USP54: variants seen among roughly 807,000 people sequenced by gnomAD.
The protein encoded by USP54 is ubiquitin specific peptidase 54.
A neutral mutation model predicts 170.5 loss-of-function variants in USP54; 87 were observed. That is an observed-to-expected ratio of 0.51 (90% CI 0.43 to 0.61). USP54 has a LOEUF of 0.61. Ranked by LOEUF, USP54 falls within the 20% of genes least tolerant of loss-of-function variation. The probability of loss-of-function intolerance (pLI) is 0.00; values close to 1 mark genes in which losing one functional copy is unlikely to be tolerated. For synonymous variants in USP54, 655 were observed against 742.8 expected, an observed-to-expected ratio of 0.88 and a Z score of 1.92; for missense variants, 1,786 against 2,047.8, an observed-to-expected ratio of 0.87 and a Z score of 2.47.
intron 1 of USP54, among the ~76,000 whole-genome samples, chr10:73,580,792 TG>T (rs1488079343): frequency 6.6e-6 from 1 of 152,104 alleles, no homozygotes; most frequent in East Asian, 1.9e-4. Flanking sequence ...TTGACCATGC[TG>T]GTCTCCAACT....
chr10:73,524,860 A>T (rs2062580298), intron 16 of USP54, among the ~76,000 whole-genome samples: 1 of 152,204 alleles, frequency 6.6e-6, no homozygotes, highest in Admixed American at 6.5e-5. Flanking sequence ...AGTAGGTTAA[A>T]TTCATAATCA....
intron 4 of USP54, among the ~76,000 whole-genome samples, chr10:73,567,653 C>A (rs1024319216): frequency 6.6e-6 from 1 of 152,158 alleles, no homozygotes; most frequent in African/African-American, 2.4e-5. Context: ...GTCTGTGCAA[C>A]AAGAGTGAAA....
At chr10:73,520,771 C>T in intron 18 of USP54, 137 bp downstream of exon 18, 1 of 1,239,238 alleles carries the variant, frequency 8.1e-7, no homozygotes, top group African/African-American at 1.5e-5. Context: ...GCAAAAACAG[C>T]TAACGCGACT....
chr10:73,613,358 C>T (rs1006094578), intron 1 of USP54, among the ~76,000 whole-genome samples: 1 of 151,326 alleles, frequency 6.6e-6, no homozygotes, highest in East Asian at 2.0e-4. Context: ...TCTCGAACTC[C>T]GGACCTCAGG....
chr10:73,565,806 T>C (rs1564850735), intron 4 of USP54, among the ~76,000 whole-genome samples: 1 of 152,138 alleles, frequency 6.6e-6, no homozygotes, highest in Non-Finnish European at 1.5e-5. Flanking sequence ...TGTACAAAAA[T>C]GTTCTTAGTA....
intron 4 of USP54, among the ~76,000 whole-genome samples, chr10:73,561,030 G>A (rs1483144991): frequency 2.7e-5 from 4 of 149,226 alleles, no homozygotes; most frequent in African/African-American, 5.0e-5. Context: ...GCTTGAACCC[G>A]GGAGGCAGAG....
At chr10:73,615,358 TCAAAAACAAAAA>T (rs930789400) in intron 1 of USP54, among the ~76,000 whole-genome samples, 4 of 149,630 alleles carry the variant, frequency 2.7e-5, no homozygotes, top group African/African-American at 1.0e-4. Flanking sequence ...GACTCTTGTC[TCAAAAACAAAAA>T]CAAAAACAAA....
At chr10:73,580,267 C>T (rs536625830) in intron 1 of USP54, among the ~76,000 whole-genome samples, 5 of 145,818 alleles carry the variant, frequency 3.4e-5, no homozygotes, top group South Asian at 4.3e-4. Flanking sequence ...TGCAGTGAGC[C>T]GAGATCAAGC....
At chr10:73,609,942 G>A (rs532689575) in intron 1 of USP54, among the ~76,000 whole-genome samples, 5 of 151,948 alleles carry the variant, frequency 3.3e-5, no homozygotes, top group East Asian at 1.9e-4. Flanking sequence ...CCTGGGAGGC[G>A]GAGGTTGCAG....
chr10:73,533,548 T>A lies in USP54; in HGVS notation c.1315+1052A>T, dbSNP rs1309492591. ...TTTTGAATATCTTTGAAATTCTTGA[T>A]ATTTAAAAAAAAAAAAAGCCCCCAC... On this transcript the variant is annotated intron_variant, in intron 12 of 23. Coordinates refer to ENST00000687698, the MANE Select transcript of USP54 (RefSeq NM_001391956.1). 5.3e-4 allele frequency among the ~76,000 whole-genome samples: 79 copies of A among 149,984 alleles called. 1 individual carries two copies. The highest frequency in any genetic ancestry group is 2.0e-4 in the Admixed American group (3 of 15,058).
intron 10 of USP54, chr10:73,537,697 A>G (rs1293221019): frequency 6.6e-6 from 1 of 151,396 alleles, no homozygotes; most frequent in Non-Finnish European, 1.5e-5. Context: ...TATTAACCTT[A>G]TAACCTCATT....
chr10:73,544,343 T>C (rs1396245528), intron 5 of USP54, among the ~76,000 whole-genome samples: 1 of 152,238 alleles, frequency 6.6e-6, no homozygotes. Context: ...ATGCTTTGTA[T>C]TGCTGCATAG....
intron 4 of USP54, among the ~76,000 whole-genome samples, chr10:73,570,082 G>A (rs936715454): frequency 1.3e-5 from 2 of 151,668 alleles, no homozygotes; most frequent in African/African-American, 4.8e-5. Context: ...AACATATAAC[G>A]ATCACATCCA....
chr10:73,599,781 A>C (rs892592418), intron 1 of USP54, among the ~76,000 whole-genome samples: 5 of 152,168 alleles, frequency 3.3e-5, no homozygotes, highest in Non-Finnish European at 5.9e-5. Context: ...AAATCCTGCA[A>C]AACAGGTTAA....
chr10:73,542,684 T>C (rs559643186), intron 7 of USP54, 119 bp downstream of exon 7: 11 of 966,220 alleles, frequency 1.1e-5, no homozygotes, highest in East Asian at 2.6e-5. Context: ...TAAGCCGAGA[T>C]TGTGCCACTG....
chr10:73,557,325 A>AT (rs772475380), intron 4 of USP54, among the ~76,000 whole-genome samples: 5,599 of 145,196 alleles, frequency 0.039, 153 homozygotes, highest in South Asian at 0.12. Context: ...AACTTCTTCA[A>AT]TTTTTTTTTT....
chr10:73,527,608 G>C (rs2063155789), intron 15 of USP54, among the ~76,000 whole-genome samples: 1 of 151,410 alleles, frequency 6.6e-6, no homozygotes, highest in African/African-American at 2.4e-5. Flanking sequence ...CTATGGGCAG[G>C]GTACAATGAG....
chr10:73,612,110 AAAAAT>A (rs1475128420), intron 1 of USP54, among the ~76,000 whole-genome samples: 3 of 152,160 alleles, frequency 2.0e-5, no homozygotes, highest in Admixed American at 6.6e-5. Flanking sequence ...ACCCTGTCTC[AAAAAT>A]AAAATAAAAT....
At chr10:73,579,866 G>A (rs1687261143) in intron 1 of USP54, among the ~76,000 whole-genome samples, 1 of 152,148 alleles carries the variant, frequency 6.6e-6, no homozygotes. Flanking sequence ...TAAGCACATG[G>A]AAAGATGTTC....
Sources: allele counts gnomAD v4.1 joint callset (sites outside exome capture counted in the v4.1 genomes callset), GRCh38; gene constraint gnomAD v4.1.1; transcripts MANE v1.5; gene names NCBI Gene and HGNC (gene_info 2026-07-23, HGNC 2026-07-21).